TTC7B: variants seen among roughly 807,000 people sequenced by gnomAD.
TTC7B encodes tetratricopeptide repeat protein 7B.
Under a neutral mutation model 106.8 loss-of-function variants are expected in TTC7B, and 28 were observed. The ratio of observed to expected loss-of-function variants is 0.26; its 90% CI spans 0.19 to 0.36. TTC7B has a LOEUF of 0.36. Among genes scored for constraint, TTC7B ranks in the 10% least tolerant of loss-of-function variants. The probability of loss-of-function intolerance (pLI) is 1.00; values close to 1 mark genes in which losing one functional copy is unlikely to be tolerated. For synonymous variants in TTC7B, 405 were observed against 430.6 expected (o/e 0.94, Z 0.74); for missense variants, 862 against 1,076.4 (o/e 0.80, Z 2.79).
intron 3 of TTC7B, among the ~76,000 whole-genome samples, chr14:90,753,843 C>T (rs561757855): frequency 4.6e-5 from 7 of 152,306 alleles, no homozygotes; most frequent in African/African-American, 1.4e-4. Context: ...AGGATGCCAG[C>T]CTTGGATTAG....
chr14:90,746,403 T>C (rs535694936), intron 3 of TTC7B, among the ~76,000 whole-genome samples: 1 of 152,336 alleles, frequency 6.6e-6, no homozygotes, highest in African/African-American at 2.4e-5. Flanking sequence ...TTAGTACCTG[T>C]AGAATCTTTA....
At chr14:90,618,926 C>T (rs796729415) in intron 15 of TTC7B, among the ~76,000 whole-genome samples, 55 of 152,340 alleles carry the variant, frequency 3.6e-4, no homozygotes, top group African/African-American at 1.2e-3. Flanking sequence ...TTCCCCAAGA[C>T]GGAGTCTTGC....
chr14:90,639,558 C>T (rs1484886715), intron 15 of TTC7B, among the ~76,000 whole-genome samples: 1 of 152,174 alleles, frequency 6.6e-6, no homozygotes, highest in Non-Finnish European at 1.5e-5. Flanking sequence ...GTGTATGGAA[C>T]CACAGGGCTC....
chr14:90,701,399 G>C (rs1887978263), intron 5 of TTC7B, among the ~76,000 whole-genome samples: 1 of 152,124 alleles, frequency 6.6e-6, no homozygotes, highest in Admixed American at 6.6e-5. Context: ...TAAAGTCAAA[G>C]AAGTCACAGA....
intron 8 of TTC7B, among the ~76,000 whole-genome samples, chr14:90,679,154 C>G (rs1246140372): frequency 2.0e-5 from 3 of 152,204 alleles, no homozygotes; most frequent in Non-Finnish European, 4.4e-5. Flanking sequence ...AAGTTATCAG[C>G]TGACTATCGG....
rs1889148536 is a variant in TTC7B at position 90,526,235 on chromosome 14, G to A, written c.*15133C>T. On this transcript the variant is annotated 3_prime_UTR_variant, in exon 20 of 20. Transcript: ENST00000328459. ...TTATAGACATCCTAGTGGGTGTAAG[G>A]TGGTATCTCTTGGAGTTTTGACTTG... is the stretch of plus-strand genomic sequence containing the variant. The A allele has an allele frequency of 6.6e-6, 1 of 152,116 alleles. No homozygotes were observed. Among genetic ancestry groups the A allele is most frequent in the African/African-American group, 2.4e-5 (1 of 41,432 alleles). 9.4% of individuals were successfully genotyped at this position (152,116 alleles called of 1,614,324 possible). A position where few individuals can be genotyped will look rare whatever the true frequency, so the allele number is the denominator to read the frequency against.
chr14:90,784,238 T>G (rs1189248391), intron 2 of TTC7B, among the ~76,000 whole-genome samples: 2 of 152,102 alleles, frequency 1.3e-5, no homozygotes, highest in African/African-American at 4.8e-5. Context: ...TGTGTCCACC[T>G]GTGTCATCAT....
rs374565135 is a variant in TTC7B, at chr14:90,774,594, T to C, written c.445+6144A>G. 1.8e-3 allele frequency among the ~76,000 whole-genome samples: 279 copies of C among 152,314 alleles called. 5 individuals are homozygous for C. The Middle Eastern group carries it at 0.024, about 13-fold the overall frequency. On this transcript the variant is annotated intron_variant, in intron 3 of 19. Coordinates refer to ENST00000328459, the MANE Select transcript of TTC7B (RefSeq NM_001010854.2). The stretch of plus-strand genomic sequence containing the variant: ...GCTCACTCCATCTGCCTGCCAAGCA[T>C]CTGGCTGGAGCTGGGCAGAAGGGAT...
At chr14:90,789,142 C>A (rs938647260) in intron 1 of TTC7B, among the ~76,000 whole-genome samples, 4 of 152,170 alleles carry the variant, frequency 2.6e-5, no homozygotes. Flanking sequence ...GCTCTTGTCG[C>A]CCAGGCTGGA....
intron 19 of TTC7B, among the ~76,000 whole-genome samples, chr14:90,563,846 A>G (rs1262936229): frequency 6.6e-6 from 1 of 152,188 alleles, no homozygotes; most frequent in African/African-American, 2.4e-5. Context: ...ATCCACAAGA[A>G]GCAATGCCTT....
intron 19 of TTC7B, among the ~76,000 whole-genome samples, chr14:90,566,364 C>T (rs576060197): frequency 6.6e-6 from 1 of 151,684 alleles, no homozygotes; most frequent in African/African-American, 2.4e-5. Context: ...AAAAAGAAGG[C>T]ACTGATAGAT....
Position 90,745,707 on chromosome 14 carries a change from CT to C in TTC7B, c.446-786del, listed in dbSNP as rs530213103. ...AAATTTGCCTTCAATTTTTGTTTTT[CT>C]TTTTTTTTTTTTTGGAGATGTAGTC... On this transcript the variant is annotated intron_variant, in intron 3 of 19. Transcript: ENST00000328459. Among the ~76,000 whole-genome samples, 381 of 140,804 alleles carry C rather than the reference CT, an allele frequency of 2.7e-3. 1 individual carries two copies. The Middle Eastern group carries it at 0.037, about 14-fold the overall frequency. The allele number at this position is 140,804 out of a possible 152,430, so 92.4% of individuals were successfully genotyped here. A position where few individuals can be genotyped will look rare whatever the true frequency, so the allele number is the denominator to read the frequency against.
chr14:90,761,995 G>A (rs1409961524), intron 3 of TTC7B, among the ~76,000 whole-genome samples: 1 of 152,198 alleles, frequency 6.6e-6, no homozygotes, highest in East Asian at 1.9e-4. Flanking sequence ...GGAATTGTCT[G>A]CATAGGAGAT....
intron 6 of TTC7B, among the ~76,000 whole-genome samples, chr14:90,693,088 A>T (rs1887538742): frequency 6.6e-6 from 1 of 152,204 alleles, no homozygotes; most frequent in Non-Finnish European, 1.5e-5. Context: ...TGCCCAACTG[A>T]ATAATCTCCT....
chr14:90,709,562 G>A (rs1468960445), intron 5 of TTC7B, among the ~76,000 whole-genome samples: 103 of 148,652 alleles, frequency 6.9e-4, no homozygotes, highest in African/African-American at 2.5e-3. Context: ...GGGAGGGATA[G>A]CATTAGGAGA....
At chr14:90,576,776 A>C (rs572456077) in intron 19 of TTC7B, among the ~76,000 whole-genome samples, 3 of 152,222 alleles carry the variant, frequency 2.0e-5, no homozygotes, top group African/African-American at 7.2e-5. Context: ...GGAAACCAGC[A>C]GTTAGTGCCC....
intron 9 of TTC7B, among the ~76,000 whole-genome samples, chr14:90,668,827 C>CTTTTTTTTT (rs11291974): frequency 1.1e-5 from 1 of 88,528 alleles, no homozygotes; most frequent in Non-Finnish European, 2.1e-5. Context: ...AAAATTTCAA[C>CTTTTTTTTT]TTTTTTTTTT....
intron 5 of TTC7B, among the ~76,000 whole-genome samples, chr14:90,707,515 C>T (rs1386233266): frequency 6.6e-6 from 1 of 152,122 alleles, no homozygotes; most frequent in Admixed American, 6.5e-5. Context: ...GAAAGTGGGG[C>T]CTTTTGTACC....
chr14:90,543,083 T>C (rs1889675012), intron 19 of TTC7B, among the ~76,000 whole-genome samples: 1 of 152,238 alleles, frequency 6.6e-6, no homozygotes, highest in South Asian at 2.1e-4. Context: ...AGGTTAAATA[T>C]TTCCCATGCT....
Sources: allele counts gnomAD v4.1 joint callset (sites outside exome capture counted in the v4.1 genomes callset), GRCh38; gene constraint gnomAD v4.1.1; transcripts MANE v1.5; gene names NCBI Gene and HGNC (gene_info 2026-07-23, HGNC 2026-07-21).